Variants in TMEM59 observed in about 807,000 individuals in gnomAD.
TMEM59 encodes dendritic cell factor 1.
Under a neutral mutation model 42.2 loss-of-function variants are expected in TMEM59, and 44 were observed. The ratio of observed to expected loss-of-function variants is 1.04; its 90% CI spans 0.82 to 1.34. The LOEUF is 1.34. TMEM59 is among the 40% of genes most tolerant of loss of function. The pLI is 0.00. For synonymous variants in TMEM59, 148 were observed against 145.8 expected, an observed-to-expected ratio of 1.02 and a Z score of -0.11; for missense variants, 359 against 382.8, an observed-to-expected ratio of 0.94 and a Z score of 0.52.
intron 1 of TMEM59, among the ~76,000 whole-genome samples, chr1:54,048,921 G>A (rs1266795097): frequency 6.6e-6 from 1 of 152,208 alleles, no homozygotes; most frequent in Non-Finnish European, 1.5e-5. Flanking sequence ...TTTAACAATT[G>A]AGATAGATTT....
Position 54,047,349 on chromosome 1 carries a change from CTG to C in TMEM59, c.211_212del (p.Gln71GlufsTer14). On this transcript the variant is annotated frameshift_variant, in exon 2 of 8. Transcript: ENST00000234831. LOFTEE classifies it high-confidence loss of function. ...AAATTGAAAACAGCCTGCAACCTCT[CTG>C]ACATGCGTACAACTCCTCTTCCTAG... Reference protein sequence around the residue: ...YPKEEELYACQRGCRLFSICQ... With the variant: ...YPKEEELYACXRGCRLFSICQ... 1.2e-6 allele frequency: 2 copies of C among 1,613,914 alleles called. No individual in the cohort carries two copies. Among genetic ancestry groups the C allele is most frequent in the Non-Finnish European group, 1.7e-6 (2 of 1,179,946 alleles).
chr1:54,046,933 T>C (rs1657358428), intron 2 of TMEM59, among the ~76,000 whole-genome samples: 1 of 152,226 alleles, frequency 6.6e-6, no homozygotes, highest in African/African-American at 2.4e-5. Flanking sequence ...GAACTTATGA[T>C]TGAAAGGTTT....
intron 1 of TMEM59, among the ~76,000 whole-genome samples, chr1:54,051,251 A>G (rs1657527630): frequency 6.6e-6 from 1 of 152,184 alleles, no homozygotes; most frequent in South Asian, 2.1e-4. Flanking sequence ...ATGTGACCTT[A>G]GGCAAGTCAC....
intron 3 of TMEM59, 92 bp downstream of exon 3, chr1:54,045,600 T>TA: frequency 1.6e-6 from 2 of 1,259,080 alleles, no homozygotes; most frequent in Non-Finnish European, 2.3e-6. Context: ...AATATAACAC[T>TA]AAAATAGGAT....
intron 7 of TMEM59, chr1:54,033,023 G>T (rs1656815541): frequency 6.6e-6 from 1 of 151,746 alleles, no homozygotes; most frequent in Non-Finnish European, 1.5e-5. Flanking sequence ...GAACTCCTGG[G>T]CTCAAGTGAT....
intron 6 of TMEM59, among the ~76,000 whole-genome samples, chr1:54,039,423 T>C (rs12097888): frequency 6.6e-6 from 1 of 152,190 alleles, no homozygotes; most frequent in African/African-American, 2.4e-5. Flanking sequence ...AACTGCAACA[T>C]ACATCCTAAA....
rs1569940842 is a variant in TMEM59 at position 54,036,940 on chromosome 1, A to G, written c.708-222T>C. On this transcript the variant is annotated intron_variant, in intron 6 of 7. Transcript: ENST00000234831. ...TTCCTCCACTTCTAATGTTTCTGTA[A>G]CATGGCTATATCACTTTTGTAATAA... 3 of 300,762 alleles carry G rather than the reference A, an allele frequency of 1.0e-5. No homozygotes were observed. The East Asian group carries it at 1.8e-4, about 18-fold the overall frequency. 18.6% of individuals were successfully genotyped at this position (300,762 alleles called of 1,614,324 possible).
chr1:54,035,759 C>T (rs112142160), intron 7 of TMEM59, among the ~76,000 whole-genome samples: 3,896 of 152,078 alleles, frequency 0.026, 112 homozygotes, highest in Middle Eastern at 0.078. Flanking sequence ...ATCACGGGCA[C>T]GCACCACCAT....
At chr1:54,037,728 C>T (rs1465124813) in intron 6 of TMEM59, among the ~76,000 whole-genome samples, 2 of 152,186 alleles carry the variant, frequency 1.3e-5, no homozygotes, top group Non-Finnish European at 2.9e-5. Context: ...AAGAGGTGGA[C>T]TTTGGAGAAT....
At position 54,043,426 on chromosome 1, in the gene TMEM59, A is replaced by T. The variant is rs1162473432; in HGVS notation, c.490T>A (p.Ser164Thr). 3.8e-6 allele frequency: 6 copies of T among 1,577,870 alleles called. No homozygotes were observed. The African/African-American group carries it at 8.1e-5, about 21-fold the overall frequency. The change falls in exon 4 of 8, where the codon TCT (serine) becomes ACT (threonine). Residue 164 changes from serine (S) to threonine (T), a missense_variant. By Grantham distance (58) the Ser-to-Thr change is moderately conservative (BLOSUM62 1). Coordinates refer to ENST00000234831, the MANE Select transcript of TMEM59 (RefSeq NM_004872.5). ...GCTTGAAGATAAAAAGTCCATGAAG[A>T]GGTTATGAAGCTCTGTGCGGAGTCC... ...MMDSAQSFIT[S>T]SWTFYLQADD...
intron 1 of TMEM59, among the ~76,000 whole-genome samples, chr1:54,049,114 G>C (rs1451769776): frequency 6.6e-6 from 1 of 152,156 alleles, no homozygotes; most frequent in Non-Finnish European, 1.5e-5. Flanking sequence ...ACCAATTTCG[G>C]AAAACCATAT....
upstream of TMEM59, chr1:54,053,224 C>T (rs1657641952): frequency 6.2e-7 from 1 of 1,606,304 alleles, no homozygotes; most frequent in African/African-American, 1.3e-5. Flanking sequence ...CAGCTTGTTG[C>T]TGTTTTCTCG....
intron 5 of TMEM59, 120 bp from the exon 6 acceptor site, chr1:54,040,957 T>C: frequency 5.5e-6 from 4 of 724,702 alleles, no homozygotes; most frequent in Non-Finnish European, 7.0e-6. Context: ...TGTCATCTGA[T>C]ACATTTTATA....
At position 54,029,985 on chromosome 1, in the gene TMEM59, T is replaced by C. The variant is rs1266747398; in HGVS notation, c.*2165A>G. ...TCAAGAATGTCTTGGTATTTTCACA[T>C]ATAAGGAATTCTCTCAACAAGAGGG... On this transcript the variant is annotated 3_prime_UTR_variant, in exon 8 of 8. Coordinates refer to ENST00000234831, the MANE Select transcript of TMEM59 (RefSeq NM_004872.5). 1.3e-5 allele frequency: 2 copies of C among 152,122 alleles called. No individual in the cohort carries two copies. Among genetic ancestry groups the C allele is most frequent in the African/African-American group, 4.8e-5 (2 of 41,422 alleles). The allele number at this position is 152,122 out of a possible 1,614,324, so 9.4% of individuals were successfully genotyped here. A position where few individuals can be genotyped will look rare whatever the true frequency, so the allele number is the denominator to read the frequency against.
upstream of TMEM59, chr1:54,053,366 A>G: frequency 1.5e-6 from 1 of 679,026 alleles, no homozygotes; most frequent in Non-Finnish European, 2.4e-6. Context: ...CTCTGGGACT[A>G]CGAACTTCTT....
intron 7 of TMEM59, chr1:54,034,008 C>T (rs1285208339): frequency 2.0e-5 from 3 of 150,632 alleles, no homozygotes; most frequent in Admixed American, 1.3e-4. Flanking sequence ...GTCCCAGCTA[C>T]TAGGGAGGCC....
At position 54,026,986 on chromosome 1, in the gene TMEM59, G is replaced by A. The variant is rs1656619597; in HGVS notation, c.*5164C>T. 6.6e-6 allele frequency: 1 copy of A among 152,212 alleles called. No individual in the cohort carries two copies. Among genetic ancestry groups the A allele is most frequent in the Non-Finnish European group, 1.5e-5 (1 of 68,030 alleles). The allele number at this position is 152,212 out of a possible 1,614,324, so 9.4% of individuals were successfully genotyped here. Reference sequence around the variant, plus strand: ...AAACAAAATAATTTACTCTTAAAATGACAAAAGTAAAATTAAGACAACCTC... The same window carrying A: ...AAACAAAATAATTTACTCTTAAAATAACAAAAGTAAAATTAAGACAACCTC... On this transcript the variant is annotated 3_prime_UTR_variant, in exon 8 of 8. Coordinates refer to ENST00000234831, the MANE Select transcript of TMEM59 (RefSeq NM_004872.5).
upstream of TMEM59, chr1:54,053,268 C>G (rs1166360423): frequency 3.9e-6 from 6 of 1,527,690 alleles, no homozygotes; most frequent in Non-Finnish European, 5.3e-6. Flanking sequence ...GGCCAGCCCC[C>G]TTCTCCGCCC....
chr1:54,036,370 G>A (rs1043261904), intron 7 of TMEM59, among the ~76,000 whole-genome samples: 5 of 152,008 alleles, frequency 3.3e-5, no homozygotes, highest in African/African-American at 9.7e-5. Flanking sequence ...AAGAGACACC[G>A]TTCTCAAGCC....
Sources: gnomAD v4.1 joint callset for allele counts (sites outside exome capture counted in the v4.1 genomes callset) on GRCh38, gnomAD v4.1.1 for gene constraint, MANE v1.5 for transcripts, NCBI Gene and HGNC (gene_info 2026-07-23, HGNC 2026-07-21) for gene names.